The following TOGARAM2 variants were observed in gnomAD, a reference collection of about 807,000 sequenced individuals.
The protein encoded by TOGARAM2 is TOG array regulator of axonemal microtubules 2, also known as TOG array regulator of axonemal microtubules protein 2.
Under a neutral mutation model 93.3 loss-of-function variants are expected in TOGARAM2, and 85 were observed. That is an observed-to-expected ratio of 0.91 (90% CI 0.76 to 1.09). TOGARAM2 has a LOEUF of 1.09. Among genes scored for constraint, TOGARAM2 ranks in the 50% least tolerant of loss-of-function variants. The pLI is 0.00. For missense variants in TOGARAM2, 1,277 were observed against 1,334.5 expected (o/e 0.96, Z 0.67); for synonymous variants, 593 against 552.8 (o/e 1.07, Z -1.02).
chr2:28,993,823 G>A (rs555742519), intron 1 of TOGARAM2, among the ~76,000 whole-genome samples: 74 of 152,340 alleles, frequency 4.9e-4, no homozygotes, highest in Middle Eastern at 6.8e-3. Context: ...CAGACAGAAG[G>A]CAAGTTTCTC....
intron 18 of TOGARAM2, among the ~76,000 whole-genome samples, chr2:29,043,998 C>T (rs1283996684): frequency 2.0e-5 from 3 of 152,328 alleles, no homozygotes; most frequent in African/African-American, 7.2e-5. Flanking sequence ...GAAATGTCCC[C>T]ACCCCATTTG....
chr2:28,980,604 G>A (rs1283122311), upstream of TOGARAM2, among the ~76,000 whole-genome samples: 1 of 152,198 alleles, frequency 6.6e-6, no homozygotes, highest in Non-Finnish European at 1.5e-5. Flanking sequence ...GAGAGAGGAT[G>A]CCAGCCTGGG....
chr2:29,002,734 C>G lies in TOGARAM2; in HGVS notation c.626C>G (p.Pro209Arg). Residue 209 changes from proline (P) to arginine (R), a missense_variant, in exon 5 of 20, where the codon CCC becomes CGC. By Grantham distance (103) the Pro-to-Arg change is moderately radical. Transcript: ENST00000379558. ...GSIPGPHELR[P>R]GAQEAQISWQ... ...ATTCCGGGTCCTCACGAGTTGAGACCCGGTGCTCAGGAGGTAAGGTGGTTC... is the reference window on the plus strand; with the variant it reads ...ATTCCGGGTCCTCACGAGTTGAGACGCGGTGCTCAGGAGGTAAGGTGGTTC... 2 of 1,613,496 alleles carry G rather than the reference C, an allele frequency of 1.2e-6. No homozygotes were observed. The highest frequency in any genetic ancestry group is 1.7e-6 in the Non-Finnish European group (2 of 1,179,728).
At chr2:29,033,353 C>T in intron 15 of TOGARAM2, 116 bp from the exon 16 acceptor site, 1 of 983,544 alleles carries the variant, frequency 1.0e-6, no homozygotes, top group Non-Finnish European at 1.5e-6. Flanking sequence ...ACTGTGACAT[C>T]TGAAGCTCTC....
At position 28,970,191 on chromosome 2, in the gene TOGARAM2, A is replaced by G. The variant is rs73922915; in HGVS notation, c.-147+13494A>G. On this transcript the variant is annotated intron_variant, in intron 1 of 6. Coordinates refer to the TOGARAM2 transcript ENST00000401723. ...ATTTTTCCCCTATTTTTGAGATGAG[A>G]AAATGGGTTTCAGAGAAGTTTAATG... Among the ~76,000 whole-genome samples the G allele has an allele frequency of 3.0e-3, 457 of 151,904 alleles. 2 individuals are homozygous for G. Among genetic ancestry groups the G allele is most frequent in the African/African-American group, 0.01 (433 of 41,462 alleles).
chr2:29,010,031 GT>G (rs2148318703), intron 6 of TOGARAM2, among the ~76,000 whole-genome samples: 1 of 6,698 alleles, frequency 1.5e-4, no homozygotes, highest in African/African-American at 3.1e-4. Context: ...CAGAGCAGGT[GT>G]GTGTGTGTGT....
At chr2:28,973,147 A>G (rs571882065) in intron 1 of TOGARAM2, among the ~76,000 whole-genome samples, 2 of 152,244 alleles carry the variant, frequency 1.3e-5, no homozygotes, top group East Asian at 3.9e-4. Flanking sequence ...TCCTTCCCAC[A>G]GGGTGATGAG....
intron 13 of TOGARAM2, among the ~76,000 whole-genome samples, chr2:29,025,773 G>C (rs578072688): frequency 5.3e-5 from 8 of 152,164 alleles, no homozygotes; most frequent in Non-Finnish European, 8.8e-5. Context: ...TTCTCTTATA[G>C]AGCTCAGGTT....
chr2:28,986,221 A>G (rs990264049), intron 1 of TOGARAM2, among the ~76,000 whole-genome samples: 2 of 151,724 alleles, frequency 1.3e-5, no homozygotes, highest in African/African-American at 4.9e-5. Context: ...CTTGTCACTT[A>G]TCTCATTGTT....
At chr2:29,026,136 C>G (rs1665342710) in intron 13 of TOGARAM2, among the ~76,000 whole-genome samples, 1 of 152,220 alleles carries the variant, frequency 6.6e-6, no homozygotes, top group African/African-American at 2.4e-5. Flanking sequence ...AGTCCTTACT[C>G]CCTGCCTCCA....
At chr2:29,026,672 G>A (rs1174392400) in intron 13 of TOGARAM2, among the ~76,000 whole-genome samples, 181 bp from the exon 14 acceptor site, 1 of 152,180 alleles carries the variant, frequency 6.6e-6, no homozygotes, top group East Asian at 1.9e-4. Context: ...CTGTCACCCT[G>A]TTCGTAGAAA....
chr2:28,995,648 A>G (rs1672954827), intron 2 of TOGARAM2, among the ~76,000 whole-genome samples: 1 of 152,254 alleles, frequency 6.6e-6, no homozygotes, highest in African/African-American at 2.4e-5. Flanking sequence ...CTACAAATCT[A>G]GAAATAGGAT....
chr2:29,002,433 C>A, intron 4 of TOGARAM2, 103 bp from the exon 5 acceptor site: 1 of 1,001,648 alleles, frequency 1.0e-6, no homozygotes, highest in Non-Finnish European at 1.5e-6. Context: ...CTCGCCATCC[C>A]AGTCCTTCCC....
At chr2:29,007,447 A>G (rs1663951223) in intron 6 of TOGARAM2, among the ~76,000 whole-genome samples, 2 of 151,882 alleles carry the variant, frequency 1.3e-5, no homozygotes, top group African/African-American at 2.4e-5. Context: ...CTGCTCCAAC[A>G]CATTTCCATA....
At chr2:28,979,983 A>G (rs1309598476), upstream of TOGARAM2, among the ~76,000 whole-genome samples, 3 of 152,122 alleles carry the variant, frequency 2.0e-5, no homozygotes, top group African/African-American at 7.2e-5. Flanking sequence ...TCTCACTCAC[A>G]AGCTGTGTGG....
At chr2:29,037,579 C>G (rs987834580) in intron 18 of TOGARAM2, among the ~76,000 whole-genome samples, 1 of 151,974 alleles carries the variant, frequency 6.6e-6, no homozygotes, top group South Asian at 2.1e-4. Context: ...CTGTCCCCCT[C>G]CCCCCGACCC....
intron 4 of TOGARAM2, among the ~76,000 whole-genome samples, chr2:29,001,405 C>A (rs11685126): frequency 0.31 from 47,485 of 151,324 alleles, 8,229 homozygotes; most frequent in East Asian, 0.76. Flanking sequence ...TGCAGTGGTG[C>A]GATTTTGGCT....
intron 18 of TOGARAM2, among the ~76,000 whole-genome samples, chr2:29,043,042 G>A (rs1227609185): frequency 6.6e-6 from 1 of 152,242 alleles, no homozygotes; most frequent in African/African-American, 2.4e-5. Flanking sequence ...GACGGAGGAA[G>A]AAGTCCTTGT....
At chr2:28,967,204 T>G (rs1454369503) in intron 1 of TOGARAM2, among the ~76,000 whole-genome samples, 1 of 152,156 alleles carries the variant, frequency 6.6e-6, no homozygotes, top group Non-Finnish European at 1.5e-5. Context: ...AATTTGGATC[T>G]TGTAAAAATT....
Sources: allele counts gnomAD v4.1 joint callset (sites outside exome capture counted in the v4.1 genomes callset), GRCh38; gene constraint gnomAD v4.1.1; transcripts MANE v1.5; gene names NCBI Gene and HGNC (gene_info 2026-07-23, HGNC 2026-07-21).